LARGE1: variants seen among roughly 807,000 people sequenced by gnomAD.
LARGE1 encodes the protein xylosyl- and glucuronyltransferase LARGE1.
In LARGE1, 43 loss-of-function variants were observed where a neutral mutation model predicts 87.6. The ratio of observed to expected loss-of-function variants is 0.49; its 90% CI spans 0.38 to 0.63. LARGE1 has a LOEUF of 0.63. Ranked by LOEUF, LARGE1 falls within the 30% of genes least tolerant of loss-of-function variation. The probability of loss-of-function intolerance (pLI) is 0.00; values close to 1 mark genes in which losing one functional copy is unlikely to be tolerated. For synonymous variants in LARGE1, 434 were observed against 394.6 expected (o/e 1.10, Z -1.18); for missense variants, 802 against 1,000.2 (o/e 0.80, Z 2.67).
chr22:33,602,229 T>C (rs1271048196), intron 5 of LARGE1, among the ~76,000 whole-genome samples: 1 of 152,234 alleles, frequency 6.6e-6, no homozygotes, highest in Non-Finnish European at 1.5e-5. Flanking sequence ...AGAGAATTCT[T>C]CGGCGGTAAA....
At chr22:33,209,308 A>G (rs927318985) in intron 11 of LARGE1, among the ~76,000 whole-genome samples, 1 of 152,232 alleles carries the variant, frequency 6.6e-6, no homozygotes, top group Non-Finnish European at 1.5e-5. Flanking sequence ...ACAAATGCAA[A>G]GGTAGGAGGT....
Position 33,421,091 on chromosome 22 carries a change from A to C in LARGE1, c.892+11070T>G, listed in dbSNP as rs551869845. ...GTAGTCCCAGGTACTTGGGAGGCTG[A>C]GGTAGGAAAGTTGCTTGAACCCAGG... On this transcript the variant is annotated intron_variant, in intron 7 of 14. Coordinates refer to ENST00000397394, the MANE Select transcript of LARGE1 (RefSeq NM_133642.5). Among the ~76,000 whole-genome samples, 3 of 152,230 alleles carry C rather than the reference A, an allele frequency of 2.0e-5. No homozygotes were observed. In the East Asian group the frequency reaches 5.8e-4, roughly 29 times the overall value.
chr22:33,882,718 G>A (rs936170101), intron 1 of LARGE1, among the ~76,000 whole-genome samples: 1 of 152,206 alleles, frequency 6.6e-6, no homozygotes, highest in Non-Finnish European at 1.5e-5. Flanking sequence ...TAGGAAACCT[G>A]TGAGATTTGA....
Position 33,321,619 on chromosome 22 carries a change from T to G in LARGE1, c.1288-5371A>C, listed in dbSNP as rs772167221. On this transcript the variant is annotated intron_variant, in intron 10 of 14. Transcript: ENST00000397394. ...AATATGCTCAGAAGAATGAAGGGCT[T>G]CCAGTTCAATGAAGAGGACAGTGGA... Among the ~76,000 whole-genome samples, 5 of 152,202 alleles carry G rather than the reference T, an allele frequency of 3.3e-5. No homozygotes were observed. In the South Asian group the frequency reaches 1.0e-3, roughly 32 times the overall value.
At chr22:33,169,622 C>A (rs1474503729) in intron 11 of LARGE1, among the ~76,000 whole-genome samples, 1 of 151,786 alleles carries the variant, frequency 6.6e-6, no homozygotes, top group Non-Finnish European at 1.5e-5. Context: ...GAGGCTGAGG[C>A]GGGCGGATCA....
intron 11 of LARGE1, among the ~76,000 whole-genome samples, chr22:33,193,689 A>C (rs1235313178): frequency 6.6e-6 from 1 of 152,088 alleles, no homozygotes; most frequent in Non-Finnish European, 1.5e-5. Context: ...GTGGTGGTGC[A>C]TGCCTGTAAT....
At chr22:33,555,555 G>A (rs2077650356) in intron 6 of LARGE1, among the ~76,000 whole-genome samples, 1 of 152,164 alleles carries the variant, frequency 6.6e-6, no homozygotes, top group Non-Finnish European at 1.5e-5. Context: ...GACAGGGAAT[G>A]ATCTGGAGGA....
At chr22:33,648,762 G>A (rs907335882) in intron 3 of LARGE1, among the ~76,000 whole-genome samples, 6 of 152,164 alleles carry the variant, frequency 3.9e-5, no homozygotes, top group Non-Finnish European at 5.9e-5. Context: ...TAAATGTGCA[G>A]CATTTATCAC....
intron 9 of LARGE1, among the ~76,000 whole-genome samples, chr22:33,344,879 G>C (rs1390514523): frequency 6.6e-6 from 1 of 151,492 alleles, no homozygotes; most frequent in Middle Eastern, 3.2e-3. Flanking sequence ...GAAAGGATCA[G>C]CCATCATTGC....
At chr22:33,751,512 CAA>C (rs1278375748) in intron 2 of LARGE1, among the ~76,000 whole-genome samples, 1 of 151,268 alleles carries the variant, frequency 6.6e-6, no homozygotes, top group Non-Finnish European at 1.5e-5. Flanking sequence ...AACAAACAAA[CAA>C]AAATTAAAAT....
intron 1 of LARGE1, among the ~76,000 whole-genome samples, chr22:33,793,622 G>A (rs367587986): frequency 2.0e-5 from 3 of 152,120 alleles, no homozygotes; most frequent in East Asian, 1.9e-4. Flanking sequence ...TCCAGAATAC[G>A]GATAGCTACT....
At chr22:33,312,521 C>T (rs1471656418) in intron 11 of LARGE1, among the ~76,000 whole-genome samples, 1 of 151,982 alleles carries the variant, frequency 6.6e-6, no homozygotes, top group East Asian at 1.9e-4. Flanking sequence ...GTGCCTGACT[C>T]CAGGGACCAA....
At chr22:33,647,399 T>C (rs1014166832) in intron 3 of LARGE1, among the ~76,000 whole-genome samples, 1 of 152,232 alleles carries the variant, frequency 6.6e-6, no homozygotes, top group African/African-American at 2.4e-5. Flanking sequence ...ATTTCCAAGA[T>C]ACGTTCTTTA....
chr22:33,102,416 T>C, the LARGE1 span, among the ~76,000 whole-genome samples: 47 of 152,164 alleles, frequency 3.1e-4, no homozygotes, highest in Non-Finnish European at 5.9e-4. Flanking sequence ...TGTGACCTGC[T>C]CACCTCGGCC....
At chr22:33,163,406 A>C (rs553245878) in exon 12 of LARGE1, 20 of 152,346 alleles carry the variant, frequency 1.3e-4, no homozygotes, top group Admixed American at 1.3e-3. Context: ...TTTGTGTTTC[A>C]ATACTCCAGA....
At chr22:33,683,127 G>A (rs1176236524) in intron 2 of LARGE1, among the ~76,000 whole-genome samples, 1 of 152,106 alleles carries the variant, frequency 6.6e-6, no homozygotes, top group Non-Finnish European at 1.5e-5. Flanking sequence ...TGGGCTACAG[G>A]GTGCCCAGAC....
At chr22:33,414,944 T>C (rs2066434207) in intron 7 of LARGE1, among the ~76,000 whole-genome samples, 1 of 152,246 alleles carries the variant, frequency 6.6e-6, no homozygotes, top group Admixed American at 6.5e-5. Context: ...CCTCCAGAAC[T>C]GTGAGAAATA....
At chr22:33,867,749 TTTAG>T (rs2064150447) in intron 1 of LARGE1, among the ~76,000 whole-genome samples, 1 of 152,148 alleles carries the variant, frequency 6.6e-6, no homozygotes, top group Non-Finnish European at 1.5e-5. Flanking sequence ...TCCTTTTTTG[TTTAG>T]TAAGTAAAAA....
intron 6 of LARGE1, among the ~76,000 whole-genome samples, chr22:33,443,235 T>C (rs959258066): frequency 6.6e-6 from 1 of 152,168 alleles, no homozygotes; most frequent in Non-Finnish European, 1.5e-5. Flanking sequence ...GAGTAGGGGA[T>C]TGCATTCCCA....
Sources: gnomAD v4.1 joint callset for allele counts (sites outside exome capture counted in the v4.1 genomes callset) on GRCh38, gnomAD v4.1.1 for gene constraint, MANE v1.5 for transcripts, NCBI Gene and HGNC (gene_info 2026-07-23, HGNC 2026-07-21) for gene names.